PCDH15: variants seen among roughly 807,000 people sequenced by gnomAD.
PCDH15 encodes protocadherin-15.
PCDH15 carries 129 observed loss-of-function variants against 178.5 expected under a neutral mutation model. The observed-to-expected ratio is 0.72, with a 90% confidence interval of 0.63 to 0.84. The LOEUF (loss-of-function observed/expected upper bound fraction) is 0.84, where lower values mean the gene tolerates loss of function less well. PCDH15 is among the 40% of genes least tolerant of loss of function. PCDH15 has a pLI of 0.00. For missense variants in PCDH15, 2,230 were observed against 2,099.9 expected (o/e 1.06, Z -1.21); for synonymous variants, 800 against 732.0 (o/e 1.09, Z -1.50).
At chr10:54,547,108 A>G in intron 2 of PCDH15, among the ~76,000 whole-genome samples, 1 of 124,294 alleles carries the variant, frequency 8.0e-6, no homozygotes, top group Non-Finnish European at 1.9e-5. Flanking sequence ...GCACTCTCCC[A>G]TTTTTCTGCT....
intron 3 of PCDH15, among the ~76,000 whole-genome samples, chr10:54,425,377 C>T (rs565584122): frequency 2.0e-5 from 3 of 152,054 alleles, no homozygotes; most frequent in Admixed American, 1.3e-4. Context: ...CCATATGATA[C>T]CCTGTGCTAC....
intron 2 of PCDH15, among the ~76,000 whole-genome samples, chr10:55,421,001 T>A (rs1466161990): frequency 6.6e-6 from 1 of 151,730 alleles, no homozygotes; most frequent in Admixed American, 6.6e-5. Context: ...AAACTATTTA[T>A]GGTAAATAGA....
chr10:54,626,413 C>T (rs868804184), intron 2 of PCDH15, among the ~76,000 whole-genome samples: 17 of 152,280 alleles, frequency 1.1e-4, no homozygotes, highest in Middle Eastern at 6.8e-3. Context: ...AGTCCCCCTG[C>T]TGTGTGCAGC....
At chr10:54,985,809 A>C (rs902111973) in intron 2 of PCDH15, among the ~76,000 whole-genome samples, 1 of 152,218 alleles carries the variant, frequency 6.6e-6, no homozygotes, top group Non-Finnish European at 1.5e-5. Context: ...GATCATACCT[A>C]TGTCTCACAT....
intron 18 of PCDH15, among the ~76,000 whole-genome samples, chr10:54,027,177 A>T (rs1244002673): frequency 2.0e-5 from 3 of 147,830 alleles, no homozygotes; most frequent in Non-Finnish European, 4.4e-5. Context: ...TCATGAGTGA[A>T]CTCCCATTCA....
At chr10:55,015,037 A>G (rs1840137785) in intron 2 of PCDH15, among the ~76,000 whole-genome samples, 1 of 151,996 alleles carries the variant, frequency 6.6e-6, no homozygotes, top group Admixed American at 6.6e-5. Flanking sequence ...CCTGAGCAAC[A>G]TGGTGAAACC....
intron 2 of PCDH15, among the ~76,000 whole-genome samples, chr10:55,472,730 G>A (rs376383535): frequency 7.2e-5 from 11 of 152,052 alleles, no homozygotes; most frequent in East Asian, 5.8e-4. Flanking sequence ...CACCACGCCC[G>A]GCTAATTTTT....
At chr10:55,353,929 C>G (rs1486989352) in intron 2 of PCDH15, among the ~76,000 whole-genome samples, 1 of 152,064 alleles carries the variant, frequency 6.6e-6, no homozygotes, top group Non-Finnish European at 1.5e-5. Flanking sequence ...GTCTTACCTT[C>G]TTGGACACTG....
At chr10:54,252,946 AC>A (rs1229885151) in intron 8 of PCDH15, among the ~76,000 whole-genome samples, 7 of 152,022 alleles carry the variant, frequency 4.6e-5, no homozygotes, top group African/African-American at 1.7e-4. Flanking sequence ...TTAGTGCCTT[AC>A]TTGGTGCCTG....
At chr10:54,781,086 CA>C (rs1349827402) in intron 1 of PCDH15, among the ~76,000 whole-genome samples, 3 of 152,094 alleles carry the variant, frequency 2.0e-5, no homozygotes, top group Non-Finnish European at 4.4e-5. Flanking sequence ...ATCAACAGTT[CA>C]CACCATAAAA....
intron 2 of PCDH15, chr10:55,468,277 G>A (rs1565170738): frequency 6.6e-6 from 1 of 152,052 alleles, no homozygotes; most frequent in African/African-American, 2.4e-5. Flanking sequence ...TTTCGTTGTC[G>A]TTGTTGTTAG....
In PCDH15 at chr10:54,502,486, G is replaced by A. The variant is rs12255357; in HGVS notation, c.157+25326C>T. Among the ~76,000 whole-genome samples the A allele has an allele frequency of 3.0e-3, 455 of 152,048 alleles. 3 individuals are homozygous for A. Among genetic ancestry groups the A allele is most frequent in the African/African-American group, 0.01 (425 of 41,508 alleles). ...GGTATTTTACTATGAACTTACTTACGCATCTTTTTCTGCTTCTTTTTGCCC... is the reference window on the plus strand; with the variant it reads ...GGTATTTTACTATGAACTTACTTACACATCTTTTTCTGCTTCTTTTTGCCC... On this transcript the variant is annotated intron_variant, in intron 3 of 37. Transcript: ENST00000644397.
chr10:54,803,163 T>G (rs998716597), upstream of PCDH15, among the ~76,000 whole-genome samples: 1 of 152,180 alleles, frequency 6.6e-6, no homozygotes, highest in Non-Finnish European at 1.5e-5. Context: ...TCCCCTGCAT[T>G]GTAAAGTCCA....
Position 54,790,621 on chromosome 10 carries a change from C to T in PCDH15, c.-29+10304G>A, listed in dbSNP as rs540946973. 3.3e-5 allele frequency among the ~76,000 whole-genome samples: 5 copies of T among 151,882 alleles called. No individual in the cohort carries two copies. In the South Asian group the frequency reaches 8.3e-4, roughly 25 times the overall value. On this transcript the variant is annotated intron_variant, in intron 1 of 37. Coordinates refer to ENST00000644397, the MANE Select transcript of PCDH15 (RefSeq NM_001384140.1). Reference sequence around the variant, plus strand: ...AAGCCATGTGTTGCAGATCATTCCCCTGGCCCCAAGGTCCTGTTGACTTAA... The same window carrying T: ...AAGCCATGTGTTGCAGATCATTCCCTTGGCCCCAAGGTCCTGTTGACTTAA...
intron 14 of PCDH15, among the ~76,000 whole-genome samples, chr10:54,139,181 T>C (rs945157800): frequency 1.3e-5 from 2 of 152,144 alleles, no homozygotes; most frequent in Admixed American, 1.3e-4. Context: ...TTGGTTTGTG[T>C]ACCTTCTTTG....
intron 26 of PCDH15, among the ~76,000 whole-genome samples, chr10:53,901,011 G>A (rs1220261005): frequency 1.3e-5 from 2 of 152,092 alleles, no homozygotes; most frequent in African/African-American, 2.4e-5. Flanking sequence ...GACAGTCAAC[G>A]ATCCTCTTTT....
chr10:54,011,662 G>C (rs148015703), intron 20 of PCDH15, among the ~76,000 whole-genome samples: 2 of 152,160 alleles, frequency 1.3e-5, no homozygotes, highest in Admixed American at 1.3e-4. Context: ...CTGGATCACA[G>C]CCCAAACTTT....
chr10:54,382,260 A>G (rs1362842255), intron 3 of PCDH15, among the ~76,000 whole-genome samples: 1 of 152,102 alleles, frequency 6.6e-6, no homozygotes, highest in Non-Finnish European at 1.5e-5. Context: ...TTATTAGCCT[A>G]TTAATTCAGA....
Position 54,217,869 on chromosome 10 carries a change from G to A in PCDH15, c.986-3821C>T, listed in dbSNP as rs945553936. 8.5e-5 allele frequency among the ~76,000 whole-genome samples: 13 copies of A among 152,256 alleles called. No homozygotes were observed. In the East Asian group the frequency reaches 1.9e-3, roughly 23 times the overall value. ...ACACTAAGTAGCAAGAAAGAATTCC[G>A]AGACTACTAAACTGATTTGAAAAGT... On this transcript the variant is annotated intron_variant, in intron 9 of 37. Transcript: ENST00000644397.
Sources: gnomAD v4.1 joint callset for allele counts (sites outside exome capture counted in the v4.1 genomes callset) on GRCh38, gnomAD v4.1.1 for gene constraint, MANE v1.5 for transcripts, NCBI Gene and HGNC (gene_info 2026-07-23, HGNC 2026-07-21) for gene names.